Variants in NAV3 observed in about 807,000 individuals in gnomAD.
The protein encoded by NAV3 is pore membrane and/or filament interacting like protein 1.
NAV3 carries 87 observed loss-of-function variants against 244.7 expected under a neutral mutation model. The ratio of observed to expected loss-of-function variants is 0.36; its 90% confidence interval spans 0.30 to 0.42. The LOEUF is 0.42. Ranked by LOEUF, NAV3 falls within the 20% of genes least tolerant of loss-of-function variation. The pLI, the probability that NAV3 is intolerant of heterozygous loss-of-function variation, is 1.00. For synonymous variants in NAV3, 1,126 were observed against 1,042.2 expected, an observed-to-expected ratio of 1.08 and a Z score of -1.55; for missense variants, 2,663 against 2,893.3, an observed-to-expected ratio of 0.92 and a Z score of 1.83.
At chr12:78,183,395 A>G (rs1958580144) in intron 30 of NAV3, among the ~76,000 whole-genome samples, 1 of 151,902 alleles carries the variant, frequency 6.6e-6, no homozygotes, top group Admixed American at 6.6e-5. Context: ...CTTTAAAAGT[A>G]TTATCTTTTA....
chr12:77,703,461 A>G (rs1429060646), intron 2 of NAV3, among the ~76,000 whole-genome samples: 22 of 152,118 alleles, frequency 1.4e-4, no homozygotes, highest in Non-Finnish European at 1.5e-5. Flanking sequence ...GCTTTTGGCT[A>G]TTCTGAATAA....
chr12:77,909,628 G>C (rs1285360260), intron 1 of NAV3, among the ~76,000 whole-genome samples: 3 of 151,962 alleles, frequency 2.0e-5, no homozygotes, highest in Non-Finnish European at 2.9e-5. Context: ...ATGAAGTTCA[G>C]CCACCTTTCA....
At position 78,004,851 on chromosome 12, in the gene NAV3, G is replaced by C. The variant is rs554645172; in HGVS notation, c.881-1568G>C. On this transcript the variant is annotated intron_variant, in intron 7 of 39. Coordinates refer to ENST00000397909, the MANE Select transcript of NAV3 (RefSeq NM_001024383.2). ...ATCTTATATGTGTGTACTCGCCTGA[G>C]AATGATGTTACAGCTGCTGTTATGA... Among the ~76,000 whole-genome samples the C allele has an allele frequency of 8.7e-4, 133 of 152,312 alleles. 1 individual carries two copies. Among genetic ancestry groups the C allele is most frequent in the African/African-American group, 2.8e-3 (116 of 41,582 alleles).
intron 1 of NAV3, among the ~76,000 whole-genome samples, chr12:77,931,832 A>G (rs1381381312): frequency 1.3e-5 from 2 of 152,088 alleles, no homozygotes; most frequent in Admixed American, 6.6e-5. Context: ...GCGCCACTGC[A>G]CGCCAGCCTG....
intron 2 of NAV3, among the ~76,000 whole-genome samples, chr12:77,661,642 T>C (rs1873454331): frequency 6.6e-6 from 1 of 152,108 alleles, no homozygotes; most frequent in Non-Finnish European, 1.5e-5. Flanking sequence ...CCCCCAAATT[T>C]TCTCCTATTT....
At chr12:78,186,159 A>G (rs2139813554) in intron 31 of NAV3, among the ~76,000 whole-genome samples, 1 of 151,922 alleles carries the variant, frequency 6.6e-6, no homozygotes, top group East Asian at 1.9e-4. Flanking sequence ...CATTGATGTT[A>G]CTTGTCTATT....
At chr12:78,186,224 T>G (rs573919461) in intron 31 of NAV3, among the ~76,000 whole-genome samples, 1 of 152,034 alleles carries the variant, frequency 6.6e-6, no homozygotes, top group South Asian at 2.1e-4. Flanking sequence ...CAATGAAATA[T>G]TGCCTTCAAA....
chr12:77,606,081 C>T lies in NAV3; in HGVS notation c.72+33815C>T, dbSNP rs577813389. ...TTGAGTTTCAGGTCTCTAGAGATAC[C>T]GTCTGAAAAACCTCATAGGTAAAAA... On this transcript the variant is annotated intron_variant, in intron 2 of 8. Coordinates refer to the NAV3 transcript ENST00000550042. Among the ~76,000 whole-genome samples the T allele has an allele frequency of 5.3e-5, 8 of 152,108 alleles. No homozygotes were observed. In the South Asian group the frequency reaches 8.3e-4, roughly 16 times the overall value.
intron 2 of NAV3, among the ~76,000 whole-genome samples, chr12:77,607,518 GT>G (rs1403936931): frequency 2.6e-5 from 4 of 152,078 alleles, no homozygotes; most frequent in African/African-American, 9.7e-5. Flanking sequence ...GAATTTTTGT[GT>G]GTGCATTTAC....
intron 24 of NAV3, among the ~76,000 whole-genome samples, chr12:78,169,431 G>A (rs1481793212): frequency 7.2e-6 from 1 of 137,976 alleles, no homozygotes; most frequent in Non-Finnish European, 1.7e-5. Context: ...ACAATGAAAG[G>A]GGTATTTCTG....
At chr12:78,103,946 A>T (rs1449240917) in intron 12 of NAV3, among the ~76,000 whole-genome samples, 1 of 152,220 alleles carries the variant, frequency 6.6e-6, no homozygotes, top group Non-Finnish European at 1.5e-5. Flanking sequence ...TGCTTTTAAT[A>T]ACACAAACAA....
At position 78,019,140 on chromosome 12, in the gene NAV3, T is replaced by C. The variant is rs568868451; in HGVS notation, c.1908-2607T>C. ...TATTTTGCAAGGCAGGCATTTTTTC[T>C]TATTTTTACAGATGAACAAACAAGT... is the stretch of plus-strand genomic sequence containing the variant. On this transcript the variant is annotated intron_variant, in intron 8 of 39. Coordinates refer to ENST00000397909, the MANE Select transcript of NAV3 (RefSeq NM_001024383.2). 4.6e-5 allele frequency among the ~76,000 whole-genome samples: 7 copies of C among 152,284 alleles called. No homozygotes were observed. In the East Asian group the frequency reaches 9.7e-4, roughly 21 times the overall value.
intron 3 of NAV3, among the ~76,000 whole-genome samples, chr12:77,960,681 T>A (rs1216535198): frequency 1.4e-5 from 2 of 147,616 alleles, no homozygotes; most frequent in Non-Finnish European, 3.0e-5. Context: ...ATATTACATA[T>A]ATAGTAATAT....
Position 78,007,057 on chromosome 12 carries a change from C to G in NAV3, c.1519C>G (p.Pro507Ala), listed in dbSNP as rs1446882408. 2 of 1,614,096 alleles carry G rather than the reference C, an allele frequency of 1.2e-6. No homozygotes were observed. Among genetic ancestry groups the G allele is most frequent in the Non-Finnish European group, 1.7e-6 (2 of 1,180,024 alleles). The change falls in exon 8 of 40, where the codon CCT becomes GCT. Residue 507 changes from proline to alanine, a missense_variant. Pro to Ala is a conservative substitution (Grantham distance 27). Transcript: ENST00000397909. The stretch of plus-strand genomic sequence containing the variant: ...GACCTCCAAAATTGCAAGCTTGATC[C>G]CTAAGGGCAGCAAGACAACAGCAGC... Reference protein sequence around the residue: ...KKTSKIASLIPKGSKTTAAKK... With the variant: ...KKTSKIASLIAKGSKTTAAKK...
intron 5 of NAV3, 52 bp from the exon 6 acceptor site, chr12:77,994,751 T>C: frequency 7.0e-7 from 1 of 1,437,466 alleles, no homozygotes; most frequent in South Asian, 1.2e-5. Flanking sequence ...GTGCTTTCCT[T>C]CCATGTTCAA....
intron 2 of NAV3, among the ~76,000 whole-genome samples, chr12:77,595,817 C>G (rs948487008): frequency 6.6e-6 from 1 of 151,924 alleles, no homozygotes; most frequent in Non-Finnish European, 1.5e-5. Context: ...AAGAAATAAA[C>G]CAGAATATAA....
chr12:77,600,894 G>T (rs1200030738), intron 2 of NAV3, among the ~76,000 whole-genome samples: 2 of 151,868 alleles, frequency 1.3e-5, no homozygotes, highest in Non-Finnish European at 2.9e-5. Context: ...GCAGGCTTCT[G>T]CTTAAAATCT....
intron 17 of NAV3, among the ~76,000 whole-genome samples, chr12:78,128,469 C>T (rs1956020687): frequency 6.6e-6 from 1 of 152,110 alleles, no homozygotes; most frequent in Non-Finnish European, 1.5e-5. Context: ...TGATTTCCAA[C>T]TGCATATCTG....
At chr12:77,649,386 A>G (rs1872730133) in intron 2 of NAV3, among the ~76,000 whole-genome samples, 1 of 152,146 alleles carries the variant, frequency 6.6e-6, no homozygotes. Flanking sequence ...ATGGTAATAC[A>G]TCATACACTA....
Sources: allele counts gnomAD v4.1 joint callset (sites outside exome capture counted in the v4.1 genomes callset), GRCh38; gene constraint gnomAD v4.1.1; transcripts MANE v1.5; gene names NCBI Gene and HGNC (gene_info 2026-07-23, HGNC 2026-07-21).